The following ABLIM2 variants were observed in gnomAD, a reference collection of about 807,000 sequenced individuals.
ABLIM2 encodes the protein actin binding LIM protein family member 2.
A neutral mutation model predicts 97.7 loss-of-function variants in ABLIM2; 53 were observed. That is an observed-to-expected ratio of 0.54 (90% CI 0.44 to 0.68). The LOEUF (loss-of-function observed/expected upper bound fraction) is 0.68, where lower values mean the gene tolerates loss of function less well. Among genes scored for constraint, ABLIM2 ranks in the 30% least tolerant of loss-of-function variants. ABLIM2 has a pLI of 0.00. For synonymous variants in ABLIM2, 361 were observed against 345.8 expected (o/e 1.04, Z -0.49); for missense variants, 835 against 867.2 (o/e 0.96, Z 0.47).
intron 2 of ABLIM2, among the ~76,000 whole-genome samples, chr4:8,099,192 C>A (rs569037875): frequency 6.6e-6 from 1 of 152,182 alleles, no homozygotes; most frequent in Non-Finnish European, 1.5e-5. Context: ...TAGCGTAGAC[C>A]AAGCAAATAC....
intron 8 of ABLIM2, among the ~76,000 whole-genome samples, chr4:8,047,510 C>A (rs1033482675): frequency 6.6e-6 from 1 of 152,168 alleles, no homozygotes. Context: ...CCTGGGACCA[C>A]GGATTTCTGC....
At chr4:8,153,241 G>A (rs1423665182) in intron 1 of ABLIM2, among the ~76,000 whole-genome samples, 1 of 152,218 alleles carries the variant, frequency 6.6e-6, no homozygotes, top group Non-Finnish European at 1.5e-5. Flanking sequence ...TTTTCCATGA[G>A]TCAGGGACAC....
chr4:8,081,366 C>T (rs528059715), intron 4 of ABLIM2, among the ~76,000 whole-genome samples: 13 of 152,318 alleles, frequency 8.5e-5, no homozygotes, highest in South Asian at 2.1e-4. Context: ...CCTTCCCAGC[C>T]GTGCCTGCCC....
rs571750473 is a variant in ABLIM2, at chr4:8,069,901, T to TTG, written c.675+7725_675+7726dup. 6.6e-6 allele frequency among the ~76,000 whole-genome samples: 1 copy of TTG among 152,070 alleles called. No homozygotes were observed. Among genetic ancestry groups the TTG allele is most frequent in the Non-Finnish European group, 1.5e-5 (1 of 68,002 alleles). Reference sequence around the variant, plus strand: ...GTCTGTGTCCCTGTGTTTATGTTGGTTGTGTGTGTCATGTGTTTCTTTCTG... The same window carrying TTG: ...GTCTGTGTCCCTGTGTTTATGTTGGTTGTGTGTGTGTCATGTGTTTCTTTCTG... On this transcript the variant is annotated intron_variant, in intron 6 of 20. Coordinates refer to ENST00000447017, the MANE Select transcript of ABLIM2 (RefSeq NM_001130083.2). The surrounding 1 kb of genome is among the most constrained non-coding windows in gnomAD (Gnocchi z 4.2).
intron 1 of ABLIM2, among the ~76,000 whole-genome samples, chr4:8,141,193 CCA>C (rs1314178649): frequency 6.6e-6 from 1 of 152,100 alleles, no homozygotes; most frequent in African/African-American, 2.4e-5. Flanking sequence ...CCCCCTCTCC[CCA>C]CCCCCCGGAG....
chr4:8,130,595 C>T lies in ABLIM2; in HGVS notation c.11-23958G>A, dbSNP rs891516867. On this transcript the variant is annotated intron_variant, in intron 1 of 20. Transcript: ENST00000447017. The surrounding 1 kb of genome is among the most constrained non-coding windows in gnomAD (Gnocchi z 4.2). ...GGGACTTGAAGGGAGGCAGCCTGGC[C>T]CGAGTCCAGGGTGTGCTTGACGGCA... Among the ~76,000 whole-genome samples, 1 of 151,926 alleles carries T rather than the reference C, an allele frequency of 6.6e-6. No homozygotes were observed. Among genetic ancestry groups the T allele is most frequent in the Admixed American group, 6.6e-5 (1 of 15,266 alleles).
chr4:8,079,172 G>A (rs946717930), intron 5 of ABLIM2, among the ~76,000 whole-genome samples: 5 of 152,216 alleles, frequency 3.3e-5, no homozygotes, highest in Non-Finnish European at 7.3e-5. Flanking sequence ...TTCCATGTGA[G>A]GGGGAGACAT....
chr4:8,126,678 CG>C (rs2152918477), intron 1 of ABLIM2, among the ~76,000 whole-genome samples: 1 of 152,188 alleles, frequency 6.6e-6, no homozygotes, highest in East Asian at 1.9e-4. Flanking sequence ...GGTGCTACTG[CG>C]TGGTGTCCTG....
intron 20 of ABLIM2, among the ~76,000 whole-genome samples, chr4:7,973,548 T>G (rs747516625): frequency 3.3e-5 from 5 of 151,570 alleles, no homozygotes; most frequent in Non-Finnish European, 7.4e-5. Flanking sequence ...TGTCTGGACC[T>G]GAGCCGGGAA....
At chr4:8,016,481 G>C (rs1447747507) in intron 14 of ABLIM2, among the ~76,000 whole-genome samples, 1 of 152,168 alleles carries the variant, frequency 6.6e-6, no homozygotes, top group Non-Finnish European at 1.5e-5. Flanking sequence ...ATATGGCCTT[G>C]AGTCCCATTT....
In ABLIM2 at chr4:8,019,478, T is replaced by G; in HGVS notation, c.1423+140A>C. The G allele has an allele frequency of 1.4e-6, 1 of 718,468 alleles. No individual in the cohort carries two copies. 44.5% of individuals were successfully genotyped at this position (718,468 alleles called of 1,614,324 possible). A position where few individuals can be genotyped will look rare whatever the true frequency, so the allele number is the denominator to read the frequency against. ...TCGGGAGGCTGCTAGTGAATTTGCATTTAATAGTCAGACTGCTAAGGGCCT... is the reference window on the plus strand; with the variant it reads ...TCGGGAGGCTGCTAGTGAATTTGCAGTTAATAGTCAGACTGCTAAGGGCCT... On this transcript the variant is annotated intron_variant, in intron 14 of 20. Transcript: ENST00000447017. The surrounding 1 kb of genome is among the most constrained non-coding windows in gnomAD (Gnocchi z 4.3).
intron 6 of ABLIM2, among the ~76,000 whole-genome samples, chr4:8,062,258 C>T (rs980892176): frequency 1.3e-5 from 2 of 152,182 alleles, no homozygotes; most frequent in Non-Finnish European, 2.9e-5. Flanking sequence ...TGTATTCTTC[C>T]CCACTAGATG....
At chr4:8,042,813 T>C (rs1011548462) in intron 9 of ABLIM2, among the ~76,000 whole-genome samples, 25 of 124,396 alleles carry the variant, frequency 2.0e-4, no homozygotes, top group African/African-American at 6.2e-4. Context: ...CACTCCAGCC[T>C]GGGCAACAAG....
At position 7,992,076 on chromosome 4, in the gene ABLIM2, T is replaced by G. The variant is rs895051352; in HGVS notation, c.1680+790A>C. 6.6e-6 allele frequency among the ~76,000 whole-genome samples: 1 copy of G among 151,960 alleles called. No individual in the cohort carries two copies. The highest frequency in any genetic ancestry group is 2.4e-5 in the African/African-American group (1 of 41,364). ...GCGCAATGGGGAGACCCCTGGGCTG[T>G]GTGTGTGTGTCTGTGTGTTGGGGGG... On this transcript the variant is annotated intron_variant, in intron 17 of 20. Transcript: ENST00000447017. The surrounding 1 kb of genome is among the most constrained non-coding windows in gnomAD (Gnocchi z 5.7).
At chr4:8,143,186 T>A in intron 1 of ABLIM2, among the ~76,000 whole-genome samples, 1 of 139,724 alleles carries the variant, frequency 7.2e-6, no homozygotes, top group East Asian at 2.2e-4. Context: ...TGCAAATGCA[T>A]CTCCTGGGGC....
Position 8,068,329 on chromosome 4 carries a change from C to T in ABLIM2, c.676-7275G>A, listed in dbSNP as rs1428122314. ...AGGGTGGCTGTCATCTTTAATAAGG[C>T]AGAACGAGGTGCCAGGGAAGCACAC... On this transcript the variant is annotated intron_variant, in intron 6 of 20. Coordinates refer to ENST00000447017, the MANE Select transcript of ABLIM2 (RefSeq NM_001130083.2). This position sits in a 1 kb window ranked among gnomAD's most constrained non-coding sequence, Gnocchi z 4.5. Among the ~76,000 whole-genome samples the T allele has an allele frequency of 1.3e-5, 2 of 152,190 alleles. No homozygotes were observed. Among genetic ancestry groups the T allele is most frequent in the Non-Finnish European group, 2.9e-5 (2 of 68,024 alleles).
At chr4:8,063,412 A>C (rs746167095) in intron 6 of ABLIM2, among the ~76,000 whole-genome samples, 1 of 152,254 alleles carries the variant, frequency 6.6e-6, no homozygotes, top group Non-Finnish European at 1.5e-5. Context: ...CCACAGCAGC[A>C]GTGGCTATGG....
intron 20 of ABLIM2, among the ~76,000 whole-genome samples, chr4:7,978,153 C>T (rs1462036205): frequency 6.6e-6 from 1 of 152,182 alleles, no homozygotes; most frequent in Admixed American, 6.5e-5. Flanking sequence ...CCTTTCTCTC[C>T]TGCTGGGAGG....
At chr4:8,040,087 G>A (rs770809395) in intron 9 of ABLIM2, among the ~76,000 whole-genome samples, 50 of 152,270 alleles carry the variant, frequency 3.3e-4, no homozygotes, top group Non-Finnish European at 4.0e-4. Flanking sequence ...GGATTCTGGT[G>A]CATTCCTGTG....
Sources: allele counts gnomAD v4.1 joint callset (sites outside exome capture counted in the v4.1 genomes callset), GRCh38; gene constraint gnomAD v4.1.1; non-coding constraint Gnocchi (gnomAD v3.1); transcripts MANE v1.5; gene names NCBI Gene and HGNC (gene_info 2026-07-23, HGNC 2026-07-21).